The following MYCBP2 variants were observed in gnomAD, a reference collection of about 807,000 sequenced individuals.
MYCBP2 encodes E3 ubiquitin-protein ligase MYCBP2.
MYCBP2 carries 120 observed loss-of-function variants against 525.3 expected under a neutral mutation model. The observed-to-expected ratio is 0.23, with a 90% CI of 0.20 to 0.27. MYCBP2 has a LOEUF of 0.27. Among genes scored for constraint, MYCBP2 ranks in the 10% least tolerant of loss-of-function variants. MYCBP2 has a pLI of 1.00. For missense variants in MYCBP2, 4,149 were observed against 5,657.1 expected (o/e 0.73, Z 8.55); for synonymous variants, 1,894 against 1,955.8 (o/e 0.97, Z 0.83).
At chr13:77,158,158 A>G (rs1328276783) in intron 44 of MYCBP2, 49 bp from the exon 45 acceptor site, 3 of 1,267,476 alleles carry the variant, frequency 2.4e-6, no homozygotes, top group Non-Finnish European at 3.1e-6. Flanking sequence ...TAAAACTTTA[A>G]TTACATAAAA....
Position 77,251,007 on chromosome 13 carries a change from A to G in MYCBP2, c.2381+144T>C, listed in dbSNP as rs1594344432. On this transcript the variant is annotated intron_variant, in intron 15 of 82. Coordinates refer to ENST00000544440, the MANE Select transcript of MYCBP2 (RefSeq NM_015057.5). ...AGAAAACAATTATAAGAATTATAATACTTTCTTGGCCTTTTGGCTAAGATC... is the reference window on the plus strand; with the variant it reads ...AGAAAACAATTATAAGAATTATAATGCTTTCTTGGCCTTTTGGCTAAGATC... The G allele has an allele frequency of 2.9e-5, 16 of 555,076 alleles. No individual in the cohort carries two copies. The East Asian group carries it at 4.7e-4, about 16-fold the overall frequency. The allele number at this position is 555,076 out of a possible 1,614,324, so 34.4% of individuals were successfully genotyped here. A position where few individuals can be genotyped will look rare whatever the true frequency, so the allele number is the denominator to read the frequency against.
chr13:77,316,332 CCCCGATCAA>C (rs1448177387), intron 1 of MYCBP2, among the ~76,000 whole-genome samples: 1 of 152,130 alleles, frequency 6.6e-6, no homozygotes, highest in Non-Finnish European at 1.5e-5. Context: ...CCATAAAATG[CCCCGATCAA>C]CCAGTTCATT....
chr13:77,134,820 T>C (rs2053487340), intron 52 of MYCBP2, among the ~76,000 whole-genome samples: 1 of 152,170 alleles, frequency 6.6e-6, no homozygotes, highest in African/African-American at 2.4e-5. Flanking sequence ...TATGAATATT[T>C]TTCAGTCAAA....
At chr13:77,272,357 T>C (rs1248561011) in intron 5 of MYCBP2, 1 of 152,202 alleles carries the variant, frequency 6.6e-6, no homozygotes, top group Non-Finnish European at 1.5e-5. Context: ...ATGAACGTAG[T>C]TCTTATACTC....
chr13:77,269,892 C>A, intron 7 of MYCBP2, 100 bp downstream of exon 7: 1 of 900,538 alleles, frequency 1.1e-6, no homozygotes, highest in South Asian at 1.6e-5. Flanking sequence ...AATATATTAT[C>A]ATTTCTGTTT....
chr13:77,135,534 A>G (rs1262980781), intron 52 of MYCBP2, among the ~76,000 whole-genome samples: 3 of 152,148 alleles, frequency 2.0e-5, no homozygotes, highest in African/African-American at 7.2e-5. Flanking sequence ...AGAAAATCAT[A>G]CCTGTCCCTG....
intron 1 of MYCBP2, among the ~76,000 whole-genome samples, chr13:77,304,437 A>G (rs2079151775): frequency 2.0e-5 from 3 of 152,214 alleles, no homozygotes; most frequent in Admixed American, 2.0e-4. Flanking sequence ...TTGATCTCAT[A>G]AAAGTAGAAA....
intron 26 of MYCBP2, among the ~76,000 whole-genome samples, chr13:77,203,647 A>T (rs2062908586): frequency 6.6e-6 from 1 of 152,230 alleles, no homozygotes; most frequent in Non-Finnish European, 1.5e-5. Flanking sequence ...TTCAAACTAT[A>T]CTACAAGGCT....
intron 21 of MYCBP2, among the ~76,000 whole-genome samples, chr13:77,213,982 G>A (rs2064418662): frequency 6.6e-6 from 1 of 152,224 alleles, no homozygotes; most frequent in East Asian, 1.9e-4. Flanking sequence ...TAAGAAGGAG[G>A]ACAGAGGCGT....
intron 28 of MYCBP2, among the ~76,000 whole-genome samples, 173 bp from the exon 29 acceptor site, chr13:77,190,508 TA>T (rs1424763944): frequency 6.6e-6 from 1 of 152,162 alleles, no homozygotes; most frequent in Non-Finnish European, 1.5e-5. Context: ...GGTTAGTCAG[TA>T]AAATGAAAGA....
At chr13:77,238,656 C>G (rs913725480) in intron 17 of MYCBP2, among the ~76,000 whole-genome samples, 1 of 152,094 alleles carries the variant, frequency 6.6e-6, no homozygotes, top group Non-Finnish European at 1.5e-5. Context: ...AAAAAATTAA[C>G]TAGACTATTA....
Position 77,313,722 on chromosome 13 carries a change from G to A in MYCBP2, c.302+12752C>T, listed in dbSNP as rs142163972. Among the ~76,000 whole-genome samples, 281 of 152,026 alleles carry A rather than the reference G, an allele frequency of 1.8e-3. 1 individual carries two copies. The highest frequency in any genetic ancestry group is 3.4e-3 in the Middle Eastern group (1 of 294). On this transcript the variant is annotated intron_variant, in intron 1 of 82. Transcript: ENST00000544440. ...ATTTGCAAAAGACACATCTGATAAA[G>A]GACTGTTATCCAAAATACCAAGAAC...
intron 21 of MYCBP2, among the ~76,000 whole-genome samples, chr13:77,217,403 G>A (rs2064977288): frequency 6.6e-6 from 1 of 152,058 alleles, no homozygotes. Flanking sequence ...TAGACTCAGA[G>A]GGTGGAAAAG....
At chr13:77,246,714 T>G (rs1164888283) in intron 15 of MYCBP2, among the ~76,000 whole-genome samples, 1 of 149,430 alleles carries the variant, frequency 6.7e-6, no homozygotes, top group Non-Finnish European at 1.5e-5. Context: ...TTATGAATAA[T>G]GATGTGAAAA....
intron 43 of MYCBP2, among the ~76,000 whole-genome samples, chr13:77,162,592 T>C (rs1464977275): frequency 6.6e-6 from 1 of 152,244 alleles, no homozygotes; most frequent in Non-Finnish European, 1.5e-5. Flanking sequence ...GCCTATGTGT[T>C]GTTCTAGAAA....
At chr13:77,175,323 C>T (rs2059589179) in intron 36 of MYCBP2, among the ~76,000 whole-genome samples, 1 of 151,578 alleles carries the variant, frequency 6.6e-6, no homozygotes, top group Non-Finnish European at 1.5e-5. Flanking sequence ...AATGGTGAGT[C>T]TATTATATTT....
chr13:77,273,453 A>G lies in MYCBP2; in HGVS notation c.945+19T>C. The G allele has an allele frequency of 6.5e-7, 1 of 1,545,550 alleles. No homozygotes were observed. The highest frequency in any genetic ancestry group is 8.7e-7 in the Non-Finnish European group (1 of 1,153,470). ...CTTGTCATCTTATAAACTTCTAAGC[A>G]GATATAAATATGAAATACCTGAATA... On this transcript the variant is annotated intron_variant, in intron 5 of 82. Coordinates refer to ENST00000544440, the MANE Select transcript of MYCBP2 (RefSeq NM_015057.5).
intron 17 of MYCBP2, among the ~76,000 whole-genome samples, chr13:77,238,754 A>G (rs1182287689): frequency 6.6e-6 from 1 of 152,236 alleles, no homozygotes; most frequent in Non-Finnish European, 1.5e-5. Context: ...AACACATTCC[A>G]TTATAAGAGA....
At chr13:77,200,660 C>G (rs1347387486) in intron 26 of MYCBP2, among the ~76,000 whole-genome samples, 1 of 152,142 alleles carries the variant, frequency 6.6e-6, no homozygotes, top group East Asian at 1.9e-4. Flanking sequence ...GGGTTACCCT[C>G]AAAGGGAAGC....
Sources: gnomAD v4.1 joint callset for allele counts (sites outside exome capture counted in the v4.1 genomes callset) on GRCh38, gnomAD v4.1.1 for gene constraint, MANE v1.5 for transcripts, NCBI Gene and HGNC (gene_info 2026-07-23, HGNC 2026-07-21) for gene names.